USP40: variants seen among roughly 807,000 people sequenced by gnomAD.
USP40 encodes ubiquitin specific peptidase 40, also known as ubiquitin carboxyl-terminal hydrolase 40.
In USP40, 143 loss-of-function variants were observed where a neutral mutation model predicts 166.2. That is an observed-to-expected ratio of 0.86 (90% CI 0.75 to 0.99). USP40 has a LOEUF of 0.99. Among genes scored for constraint, USP40 ranks in the 50% least tolerant of loss-of-function variants. The pLI is 0.00. For synonymous variants in USP40, 498 were observed against 524.0 expected (o/e 0.95, Z 0.68); for missense variants, 1,444 against 1,479.7 (o/e 0.98, Z 0.40).
At position 233,549,108 on chromosome 2, in the gene USP40, T is replaced by C; in HGVS notation, c.959A>G (p.Gln320Arg). 6.3e-7 allele frequency: 1 copy of C among 1,596,428 alleles called. No homozygotes were observed. Among genetic ancestry groups the C allele is most frequent in the Non-Finnish European group, 8.5e-7 (1 of 1,172,872 alleles). The change falls in exon 8 of 32, where the codon CAG becomes CGG. Residue 320 changes from glutamine to arginine, a missense_variant. Physicochemically the swap from Gln to Arg is conservative, Grantham distance 43. Transcript: ENST00000678225. ...ACGAATTTCTATACGTACTTGAAAC[T>C]GCCAGTTTCCCAAATGATCAACATC... ...IKDVDHLGNWQFQEEKSKPDV... is the reference protein window; with the variant it reads ...IKDVDHLGNWRFQEEKSKPDV...
intron 10 of USP40, among the ~76,000 whole-genome samples, chr2:233,540,308 G>C (rs1321156974): frequency 6.6e-6 from 1 of 152,096 alleles, no homozygotes. Context: ...CAATAAATTT[G>C]ATACCATAGA....
chr2:233,514,741 C>A (rs1184743179), intron 18 of USP40, among the ~76,000 whole-genome samples: 1 of 152,146 alleles, frequency 6.6e-6, no homozygotes, highest in Non-Finnish European at 1.5e-5. Context: ...ATTTAATAAA[C>A]CAATGACTTT....
At chr2:233,490,719 G>C (rs1170432176) in intron 26 of USP40, among the ~76,000 whole-genome samples, 1 of 152,086 alleles carries the variant, frequency 6.6e-6, no homozygotes, top group East Asian at 1.9e-4. Context: ...ACAATACCTA[G>C]AATATCTAGT....
chr2:233,529,579 T>A, intron 11 of USP40, 67 bp from the exon 12 acceptor site: 2 of 1,238,644 alleles, frequency 1.6e-6, no homozygotes, highest in East Asian at 5.3e-5. Flanking sequence ...AGAGGTAGCA[T>A]GAAGACTAGG....
At chr2:233,482,449 C>A (rs2064675581) in intron 30 of USP40, among the ~76,000 whole-genome samples, 1 of 152,124 alleles carries the variant, frequency 6.6e-6, no homozygotes, top group South Asian at 2.1e-4. Flanking sequence ...TGTCTCCACA[C>A]ACCTATGGGC....
intron 9 of USP40, among the ~76,000 whole-genome samples, chr2:233,541,175 A>G (rs1396900328): frequency 6.6e-6 from 1 of 152,218 alleles, no homozygotes; most frequent in Non-Finnish European, 1.5e-5. Context: ...AACAAGTTCT[A>G]AAAGGGGGTG....
intron 31 of USP40, among the ~76,000 whole-genome samples, chr2:233,479,064 C>T (rs1204749869): frequency 6.6e-6 from 1 of 152,220 alleles, no homozygotes; most frequent in Admixed American, 6.5e-5. Flanking sequence ...GTTGTGCAAA[C>T]AGCACGTGTG....
intron 19 of USP40, 147 bp from the exon 20 acceptor site, chr2:233,511,944 A>C: frequency 3.3e-6 from 2 of 608,584 alleles, no homozygotes; most frequent in South Asian, 4.6e-5. Context: ...GATTACATGC[A>C]CTAAGATTAG....
At chr2:233,542,646 C>T (rs540313674) in intron 8 of USP40, 1 of 272,044 alleles carries the variant, frequency 3.7e-6, no homozygotes, top group African/African-American at 2.2e-5. Flanking sequence ...CCACTGCACT[C>T]CAGCATGGAT....
chr2:233,500,750 T>C (rs2066024071), intron 21 of USP40, among the ~76,000 whole-genome samples: 1 of 152,240 alleles, frequency 6.6e-6, no homozygotes, highest in Admixed American at 6.5e-5. Context: ...AACAAAGTTC[T>C]AGTATAATAC....
intron 20 of USP40, among the ~76,000 whole-genome samples, chr2:233,510,894 C>T (rs1261468485): frequency 6.6e-6 from 1 of 152,208 alleles, no homozygotes; most frequent in Non-Finnish European, 1.5e-5. Context: ...AATCTGATCT[C>T]TTATTCAGTT....
chr2:233,508,674 AT>A (rs1363944158), intron 21 of USP40, among the ~76,000 whole-genome samples: 1 of 152,106 alleles, frequency 6.6e-6, no homozygotes, highest in Non-Finnish European at 1.5e-5. Context: ...AAATGCCTTC[AT>A]TTATTAGTTG....
At chr2:233,507,762 G>A (rs1022859457) in intron 21 of USP40, among the ~76,000 whole-genome samples, 5 of 152,038 alleles carry the variant, frequency 3.3e-5, no homozygotes, top group Admixed American at 2.0e-4. Context: ...ATAAGCTCTA[G>A]TGTTCTATTG....
At position 233,559,894 on chromosome 2, in the gene USP40, A is replaced by C; in HGVS notation, c.298T>G (p.Leu100Val). ...VRIIPLQLQRLFAQLLLLDQE... is the reference protein window; with the variant it reads ...VRIIPLQLQRVFAQLLLLDQE... ...TCTAAGAGCAGAAGCTGAGCAAACA[A>C]GCGCTGTAACTGTAAAGGGATGATT... Residue 100 changes from leucine to valine, a missense_variant, in exon 4 of 32, where the codon TTG becomes GTG. By Grantham distance (32) the Leu-to-Val change is conservative. Coordinates refer to ENST00000678225, the MANE Select transcript of USP40 (RefSeq NM_001365479.2). The C allele has an allele frequency of 6.2e-7, 1 of 1,609,014 alleles. No individual in the cohort carries two copies. The highest frequency in any genetic ancestry group is 8.5e-7 in the Non-Finnish European group (1 of 1,177,718).
intron 11 of USP40, among the ~76,000 whole-genome samples, chr2:233,529,955 A>T (rs1039064258): frequency 2.6e-5 from 4 of 151,426 alleles, no homozygotes; most frequent in African/African-American, 9.7e-5. Context: ...TCCTGCCACC[A>T]CGCCTGGCTA....
chr2:233,537,586 A>G (rs555373120), intron 10 of USP40, among the ~76,000 whole-genome samples: 158 of 152,332 alleles, frequency 1.0e-3, no homozygotes, highest in Non-Finnish European at 1.9e-3. Context: ...GAAACATTAC[A>G]TTCAAGAGAA....
chr2:233,519,628 A>C lies in USP40; in HGVS notation c.2369T>G (p.Leu790Ter), dbSNP rs2067512320. The C allele has an allele frequency of 6.9e-7, 1 of 1,441,168 alleles. No individual in the cohort carries two copies. The highest frequency in any genetic ancestry group is 1.4e-5 in the African/African-American group (1 of 70,854). The allele number at this position is 1,441,168 out of a possible 1,614,324, so 89.3% of individuals were successfully genotyped here. ...TAAATGATTACCTAGTTCCTTCATT[A>C]ATTTTAATTCCTTTATGGCTTTAAT... ...IRIKAIKELK[L>*]MKELADNSCL... The change falls in exon 18 of 32, where the codon TTA becomes TGA. Residue 790 changes from leucine (L) to a stop codon, truncating the protein, a stop_gained. Coordinates refer to ENST00000678225, the MANE Select transcript of USP40 (RefSeq NM_001365479.2). LOFTEE classifies it high-confidence loss of function.
At chr2:233,488,810 G>T (rs2065117854) in intron 27 of USP40, among the ~76,000 whole-genome samples, 1 of 152,156 alleles carries the variant, frequency 6.6e-6, no homozygotes, top group Admixed American at 6.5e-5. Flanking sequence ...GGAGGCTGAG[G>T]TGGGAGGATC....
intron 31 of USP40, among the ~76,000 whole-genome samples, chr2:233,477,848 C>T (rs760212328): frequency 2.0e-5 from 3 of 152,234 alleles, no homozygotes; most frequent in East Asian, 1.9e-4. Context: ...CACCGCTGCA[C>T]GACTCGTCAC....
Sources: allele counts gnomAD v4.1 joint callset (sites outside exome capture counted in the v4.1 genomes callset), GRCh38; gene constraint gnomAD v4.1.1; transcripts MANE v1.5; gene names NCBI Gene and HGNC (gene_info 2026-07-23, HGNC 2026-07-21).